Variants in C1QC observed in about 807,000 individuals in gnomAD.
The protein encoded by C1QC is complement C1q C chain.
C1QC carries 4 observed loss-of-function variants against 5.9 expected under a neutral mutation model. The observed-to-expected ratio is 0.68, with a 90% CI of 0.33 to 1.55. The LOEUF (loss-of-function observed/expected upper bound fraction) is 1.55. Among genes scored for constraint, C1QC ranks in the 40% most tolerant of loss-of-function variants. The pLI is 0.06. For synonymous variants in C1QC, 166 were observed against 153.8 expected (o/e 1.08, Z -0.59); for missense variants, 299 against 326.9 (o/e 0.91, Z 0.66).
intron 2 of C1QC, among the ~76,000 whole-genome samples, chr1:22,645,349 T>G (rs1312342270): frequency 1.3e-5 from 2 of 152,142 alleles, no homozygotes; most frequent in Non-Finnish European, 2.9e-5. Context: ...AAGTCCCAGG[T>G]GTGGTCTCAG....
chr1:22,647,524 GC>G lies in C1QC; in HGVS notation c.480del (p.Cys160Ter), dbSNP rs769517739. 3.1e-6 allele frequency: 5 copies of G among 1,614,238 alleles called. No homozygotes were observed. The highest frequency in any genetic ancestry group is 4.2e-6 in the Non-Finnish European group (5 of 1,180,048). The stretch of plus-strand genomic sequence containing the variant: ...GACACGAGCACTGGCAAGTTCACCT[GC>G]AAAGTCCCCGGCCTCTACTACTTTG... ...DYDTSTGKFT[C>X]KVPGLYYFVY... On this transcript the variant is annotated frameshift_variant, in exon 3 of 3. Transcript: ENST00000374640. LOFTEE classifies it low-confidence loss of function (END_TRUNC).
chr1:22,647,399 C>T lies in C1QC; in HGVS notation c.354C>T (p.Phe118=), dbSNP rs1303484232. ...AGGAGGGCAGATACAAGCAGAAATT[C>T]CAGTCAGTGTTCACGGTCACTCGGC... The part of the protein sequence containing the change: ...PGEEGRYKQK[F]QSVFTVTRQT... The change falls in exon 3 of 3, where the codon TTC becomes TTT. Residue 118 remains phenylalanine (F), a synonymous_variant. Coordinates refer to ENST00000374640, the MANE Select transcript of C1QC (RefSeq NM_172369.5). The T allele has an allele frequency of 3.7e-6, 6 of 1,614,028 alleles. No homozygotes were observed. Among genetic ancestry groups the T allele is most frequent in the South Asian group, 3.3e-5 (3 of 91,088 alleles).
chr1:22,645,553 G>C (rs1642354383), intron 2 of C1QC, among the ~76,000 whole-genome samples: 1 of 152,140 alleles, frequency 6.6e-6, no homozygotes, highest in South Asian at 2.1e-4. Flanking sequence ...CTGTATTGCT[G>C]TTTCCTGGCC....
In C1QC at chr1:22,647,381, C is replaced by T. The variant is rs1357865035; in HGVS notation, c.336C>T (p.Gly112=). The T allele has an allele frequency of 1.2e-6, 2 of 1,614,060 alleles. No individual in the cohort carries two copies. Among genetic ancestry groups the T allele is most frequent in the Non-Finnish European group, 1.7e-6 (2 of 1,180,020 alleles). The change falls in exon 3 of 3, where the codon GGC becomes GGT. Residue 112 remains glycine, a synonymous_variant. Transcript: ENST00000374640. Reference sequence around the variant, plus strand: ...TCCCTGGAGAGCCAGGTGAGGAGGGCAGATACAAGCAGAAATTCCAGTCAG... The same window carrying T: ...TCCCTGGAGAGCCAGGTGAGGAGGGTAGATACAAGCAGAAATTCCAGTCAG... The part of the protein sequence containing the change: ...MGIPGEPGEE[G]RYKQKFQSVF...
chr1:22,643,785 TGTG>T (rs1223602749), intron 1 of C1QC, 71 bp downstream of exon 1: 1 of 1,316,760 alleles, frequency 7.6e-7, no homozygotes, highest in African/African-American at 1.5e-5. Flanking sequence ...CTTCCTGAAA[TGTG>T]GTGCCAGGGG....
rs1642408746 is a variant in C1QC at position 22,648,038 on chromosome 1, TTC to T, written c.*257_*258del. 8 of 418,688 alleles carry T rather than the reference TTC, an allele frequency of 1.9e-5. No individual in the cohort carries two copies. The highest frequency in any genetic ancestry group is 5.5e-5 in the African/African-American group (1 of 18,270). 25.9% of individuals were successfully genotyped at this position (418,688 alleles called of 1,614,324 possible). A position where few individuals can be genotyped will look rare whatever the true frequency, so the allele number is the denominator to read the frequency against. On this transcript the variant is annotated 3_prime_UTR_variant, in exon 3 of 3. Transcript: ENST00000374640. ...TAACCAATGCCTTCTGGTACTGCCATTCTTTTTTTTTTTTTTTTCAAGTATTG... is the reference window on the plus strand; with the variant it reads ...TAACCAATGCCTTCTGGTACTGCCATTTTTTTTTTTTTTTTTCAAGTATTG...
In C1QC at chr1:22,643,853, T is replaced by C. The variant is rs1642316813; in HGVS notation, c.-14+139T>C. On this transcript the variant is annotated intron_variant, in intron 1 of 2. Transcript: ENST00000374640. ...CCCACTCCTGCTGGGCCCCGGGGCC[T>C]GGGCTGAAGAAAAGGCCCCACCATC... The C allele has an allele frequency of 4.4e-6, 6 of 1,372,474 alleles. No homozygotes were observed. In the South Asian group the frequency reaches 1.0e-4, roughly 24 times the overall value. 85.0% of individuals were successfully genotyped at this position (1,372,474 alleles called of 1,614,324 possible).
rs1055340227 is a variant in C1QC at position 22,647,895 on chromosome 1, T to C, written c.*112T>C. 1.4e-5 allele frequency: 9 copies of C among 647,150 alleles called. No homozygotes were observed. Among genetic ancestry groups the C allele is most frequent in the Non-Finnish European group, 1.6e-5 (8 of 486,270 alleles). The allele number at this position is 647,150 out of a possible 1,614,324, so 40.1% of individuals were successfully genotyped here. ...TGCCTAGACCATTCTCCCCACCAGA[T>C]GGACTTCTCCTCCAGGGAGCCCACC... On this transcript the variant is annotated 3_prime_UTR_variant, in exon 3 of 3. Coordinates refer to ENST00000374640, the MANE Select transcript of C1QC (RefSeq NM_172369.5).
intron 2 of C1QC, among the ~76,000 whole-genome samples, chr1:22,646,266 C>T (rs1247568901): frequency 6.6e-6 from 1 of 152,348 alleles, no homozygotes; most frequent in African/African-American, 2.4e-5. Flanking sequence ...AGTGGGGCGG[C>T]TTCTATTCGG....
rs780418859 is a variant in C1QC at position 22,644,192 on chromosome 1, A to C, written c.169A>C (p.Lys57Gln). The change falls in exon 2 of 3, where the codon AAG becomes CAG. Residue 57 changes from lysine to glutamine, a missense_variant. Transcript: ENST00000374640. ...KDGYDGLPGP[K>Q]GEPGIPAIPG... The stretch of plus-strand genomic sequence containing the variant: ...TGGGTACGACGGACTGCCGGGGCCC[A>C]AGGGGGAGCCAGGTGAGTCTGCTGG... 19 of 1,578,776 alleles carry C rather than the reference A, an allele frequency of 1.2e-5. No individual in the cohort carries two copies. The highest frequency in any genetic ancestry group is 1.3e-5 in the Non-Finnish European group (15 of 1,162,962).
Position 22,647,887 on chromosome 1 carries a change from C to A in C1QC, c.*104C>A. 4.5e-6 allele frequency: 3 copies of A among 662,634 alleles called. No individual in the cohort carries two copies. Among genetic ancestry groups the A allele is most frequent in the East Asian group, 5.6e-5 (1 of 17,950 alleles). 41.0% of individuals were successfully genotyped at this position (662,634 alleles called of 1,614,324 possible). On this transcript the variant is annotated 3_prime_UTR_variant, in exon 3 of 3. Coordinates refer to ENST00000374640, the MANE Select transcript of C1QC (RefSeq NM_172369.5). Reference sequence around the variant, plus strand: ...TGCATCCTTGCCTAGACCATTCTCCCCACCAGATGGACTTCTCCTCCAGGG... The same window carrying A: ...TGCATCCTTGCCTAGACCATTCTCCACACCAGATGGACTTCTCCTCCAGGG...
Position 22,643,923 on chromosome 1 carries a change from G to A in C1QC, c.-13-88G>A, listed in dbSNP as rs1434075823. On this transcript the variant is annotated intron_variant, in intron 1 of 2. Coordinates refer to ENST00000374640, the MANE Select transcript of C1QC (RefSeq NM_172369.5). ...GGGGGAGGAAGGAAGGCGAGCTCCCGAGGGCTGAGGAGGACGGGCCCTGGG... is the reference window on the plus strand; with the variant it reads ...GGGGGAGGAAGGAAGGCGAGCTCCCAAGGGCTGAGGAGGACGGGCCCTGGG... 3.4e-5 allele frequency: 49 copies of A among 1,455,246 alleles called. 1 individual carries two copies. In the Middle Eastern group the frequency reaches 7.7e-4, roughly 23 times the overall value. 90.1% of individuals were successfully genotyped at this position (1,455,246 alleles called of 1,614,324 possible). A position where few individuals can be genotyped will look rare whatever the true frequency, so the allele number is the denominator to read the frequency against.
At chr1:22,643,887 G>T in intron 1 of C1QC, 124 bp from the exon 2 acceptor site, 4 of 1,391,344 alleles carry the variant, frequency 2.9e-6, no homozygotes, top group Non-Finnish European at 3.8e-6. Context: ...TCCATCCATG[G>T]TGAGGCTCCT....
rs184074857 is a variant in C1QC at position 22,643,663 on chromosome 1, G to A, written c.-65G>A. The A allele has an allele frequency of 3.7e-5, 40 of 1,080,324 alleles. No homozygotes were observed. In the East Asian group the frequency reaches 1.6e-3, roughly 44 times the overall value. 66.9% of individuals were successfully genotyped at this position (1,080,324 alleles called of 1,614,324 possible). A position where few individuals can be genotyped will look rare whatever the true frequency, so the allele number is the denominator to read the frequency against. ...CCGTGTCCTCTTGCCTGGGAGAGGGGAAGCAGATCTGAGGACATCTCTGTG... is the reference window on the plus strand; with the variant it reads ...CCGTGTCCTCTTGCCTGGGAGAGGGAAAGCAGATCTGAGGACATCTCTGTG... On this transcript the variant is annotated 5_prime_UTR_variant, in exon 1 of 3. Transcript: ENST00000374640.
intron 1 of C1QC, 132 bp downstream of exon 1, chr1:22,643,846 CG>C: frequency 7.3e-7 from 1 of 1,364,188 alleles, no homozygotes; most frequent in Non-Finnish European, 9.5e-7. Context: ...TGCTGGGCCC[CG>C]GGGCCTGGGC....
At position 22,647,429 on chromosome 1, in the gene C1QC, C is replaced by T; in HGVS notation, c.384C>T (p.Thr128=). The T allele has an allele frequency of 1.2e-6, 2 of 1,614,032 alleles. No homozygotes were observed. The highest frequency in any genetic ancestry group is 1.7e-6 in the Non-Finnish European group (2 of 1,180,016). The change falls in exon 3 of 3, where the codon ACC becomes ACT. Residue 128 remains threonine (T), a synonymous_variant. Transcript: ENST00000374640. ...FQSVFTVTRQ[T]HQPPAPNSLI... is the part of the protein sequence containing the mutation. ...CAGTGTTCACGGTCACTCGGCAGAC[C>T]CACCAGCCCCCTGCACCCAACAGCC...
chr1:22,643,657 A>C lies in C1QC; in HGVS notation c.-71A>C. 2 of 1,064,786 alleles carry C rather than the reference A, an allele frequency of 1.9e-6. No individual in the cohort carries two copies. Among genetic ancestry groups the C allele is most frequent in the Admixed American group, 5.4e-5 (1 of 18,656 alleles). The allele number at this position is 1,064,786 out of a possible 1,614,324, so 66.0% of individuals were successfully genotyped here. A position where few individuals can be genotyped will look rare whatever the true frequency, so the allele number is the denominator to read the frequency against. On this transcript the variant is annotated 5_prime_UTR_variant, in exon 1 of 3. Coordinates refer to ENST00000374640, the MANE Select transcript of C1QC (RefSeq NM_172369.5). ...CAGACACCGTGTCCTCTTGCCTGGG[A>C]GAGGGGAAGCAGATCTGAGGACATC...
At chr1:22,646,741 C>T (rs1301942744) in intron 2 of C1QC, among the ~76,000 whole-genome samples, 1 of 152,226 alleles carries the variant, frequency 6.6e-6, no homozygotes, top group Non-Finnish European at 1.5e-5. Flanking sequence ...CTTAAGCTGC[C>T]TCTGACCAAC....
chr1:22,643,898 G>T (rs997620289), intron 1 of C1QC, 113 bp from the exon 2 acceptor site: 4 of 1,403,460 alleles, frequency 2.9e-6, no homozygotes, highest in Middle Eastern at 2.6e-4. Context: ...TGAGGCTCCT[G>T]GGGGAGGAAG....
Sources: gnomAD v4.1 joint callset for allele counts (sites outside exome capture counted in the v4.1 genomes callset) on GRCh38, gnomAD v4.1.1 for gene constraint, MANE v1.5 for transcripts, NCBI Gene and HGNC (gene_info 2026-07-23, HGNC 2026-07-21) for gene names.